Variants in ZBTB11 observed in about 807,000 individuals in gnomAD.
ZBTB11 encodes the protein zinc finger and BTB domain containing 11.
In ZBTB11, 68 loss-of-function variants were observed where a neutral mutation model predicts 113.1. That is an observed-to-expected ratio of 0.60 (90% CI 0.49 to 0.74). The LOEUF (loss-of-function observed/expected upper bound fraction) is 0.74, where lower values mean the gene tolerates loss of function less well. ZBTB11 is among the 30% of genes least tolerant of loss of function. The pLI, the probability that ZBTB11 is intolerant of heterozygous loss-of-function variation, is 0.00. For synonymous variants in ZBTB11, 518 were observed against 452.6 expected (o/e 1.14, Z -1.83); for missense variants, 1,104 against 1,279.4 (o/e 0.86, Z 2.09).
chr3:101,668,132 T>C (rs1937025379), intron 3 of ZBTB11, among the ~76,000 whole-genome samples: 1 of 107,392 alleles, frequency 9.3e-6, no homozygotes, highest in African/African-American at 2.9e-5. Flanking sequence ...CTCACTCATA[T>C]GGGGGAGCTA....
Position 101,656,251 on chromosome 3 carries a change from A to T in ZBTB11, c.2047-3T>A. 1 of 1,541,946 alleles carries T rather than the reference A, an allele frequency of 6.5e-7. No individual in the cohort carries two copies. Among genetic ancestry groups the T allele is most frequent in the South Asian group, 1.3e-5 (1 of 79,680 alleles). On this transcript the variant is annotated splice_polypyrimidine_tract_variant and splice_region_variant and intron_variant, in intron 6 of 10. Coordinates refer to ENST00000312938, the MANE Select transcript of ZBTB11 (RefSeq NM_014415.4). ...TAGATAAAAGTCTTTCCACAGACCT[A>T]AGATAGAACAGGGGTGATTAAGTCA...
chr3:101,657,158 A>C (rs1936813378), intron 6 of ZBTB11, among the ~76,000 whole-genome samples: 1 of 144,296 alleles, frequency 6.9e-6, no homozygotes, highest in African/African-American at 2.5e-5. Context: ...AAAAAAAAAC[A>C]AAAAACCCAT....
In ZBTB11 at chr3:101,664,629, T is replaced by G. The variant is rs773181700; in HGVS notation, c.1709A>C (p.Lys570Thr). 4.3e-6 allele frequency: 7 copies of G among 1,613,958 alleles called. No homozygotes were observed. In the East Asian group the frequency reaches 1.6e-4, roughly 36 times the overall value. Residue 570 changes from lysine (K) to threonine (T), a missense_variant, in exon 5 of 11, where the codon AAA (lysine) becomes ACA (threonine). Around this residue, in one of 5 missense-constraint regions of ZBTB11, gnomAD observed 535 missense variants for 518.6 expected, o/e 1.03. Transcript: ENST00000312938. ...AKENTEEASHKCGECGMVFQR... is the reference protein window; with the variant it reads ...AKENTEEASHTCGECGMVFQR... The stretch of plus-strand genomic sequence containing the variant: ...AAAAACCATTCCACATTCCCCACAT[T>G]TATGAGATGCTTCTTCTGTGTTCTC...
Position 101,649,761 on chromosome 3 carries a change from A to C in ZBTB11, c.*1405T>G, listed in dbSNP as rs1174779301. Reference sequence around the variant, plus strand: ...TATCACATTTATTCTTTATCCTTAAAGCCATTTTTAAAGTAAACTGGGAGA... The same window carrying C: ...TATCACATTTATTCTTTATCCTTAACGCCATTTTTAAAGTAAACTGGGAGA... On this transcript the variant is annotated 3_prime_UTR_variant, in exon 11 of 11. Transcript: ENST00000312938. 6.6e-6 allele frequency: 1 copy of C among 152,662 alleles called. No homozygotes were observed. The allele number at this position is 152,662 out of a possible 1,614,324, so 9.5% of individuals were successfully genotyped here.
In ZBTB11 at chr3:101,665,106, G is replaced by A. The variant is rs781332050; in HGVS notation, c.1481C>T (p.Thr494Ile). The A allele has an allele frequency of 6.2e-7, 1 of 1,614,084 alleles. No individual in the cohort carries two copies. Among genetic ancestry groups the A allele is most frequent in the South Asian group, 1.1e-5 (1 of 91,076 alleles). The change falls in exon 4 of 11, where the codon ACA (threonine) becomes ATA (isoleucine). Residue 494 changes from threonine (T) to isoleucine (I), a missense_variant. Coordinates refer to ENST00000312938, the MANE Select transcript of ZBTB11 (RefSeq NM_014415.4). ...AGTATCATCATCAGGGCCAAAGTCT[G>A]TCTTTGCTGTTGATGCAACTAGATT... Reference protein sequence around the residue: ...QENLVASTAKTDFGPDDDTYR... With the variant: ...QENLVASTAKIDFGPDDDTYR...
intron 1 of ZBTB11, among the ~76,000 whole-genome samples, chr3:101,674,170 G>C (rs1395536499): frequency 6.6e-6 from 1 of 151,492 alleles, no homozygotes; most frequent in East Asian, 2.0e-4. Flanking sequence ...ACAAAAATTA[G>C]CTAGGTGTGG....
chr3:101,652,474 A>G (rs1936721052), intron 10 of ZBTB11, 22 bp downstream of exon 10: 18 of 1,608,210 alleles, frequency 1.1e-5, no homozygotes, highest in Non-Finnish European at 1.5e-5. Context: ...ATAAGGATAC[A>G]TATAATATAA....
Position 101,650,364 on chromosome 3 carries a change from G to A in ZBTB11, c.*802C>T, listed in dbSNP as rs770645124. On this transcript the variant is annotated 3_prime_UTR_variant, in exon 11 of 11. Transcript: ENST00000312938. ...TTTTTTTTTCCATTAATTGTCCTAT[G>A]TTATCAAGGAGAATTTTCCTGTCAA... is the stretch of plus-strand genomic sequence containing the variant. 3.8e-4 allele frequency: 58 copies of A among 152,470 alleles called. No individual in the cohort carries two copies. The highest frequency in any genetic ancestry group is 6.3e-4 in the Non-Finnish European group (43 of 67,968). The allele number at this position is 152,470 out of a possible 1,614,324, so 9.4% of individuals were successfully genotyped here.
intron 5 of ZBTB11, among the ~76,000 whole-genome samples, chr3:101,664,202 T>C (rs1282845887): frequency 3.9e-5 from 6 of 152,244 alleles, no homozygotes; most frequent in Non-Finnish European, 7.3e-5. Flanking sequence ...AACCTGGAAG[T>C]GAACCCTTTC....
rs1936695328 is a variant in ZBTB11 at position 101,651,174 on chromosome 3, C to T, written c.3154G>A (p.Gly1052Arg). The change falls in exon 11 of 11, where the codon GGA becomes AGA. Residue 1052 changes from glycine to arginine, a missense_variant. Physicochemically the swap from Gly to Arg is moderately radical, Grantham distance 125 (BLOSUM62 -2). Coordinates refer to ENST00000312938, the MANE Select transcript of ZBTB11 (RefSeq NM_014415.4). ...VKVEVAHISG[G>R]E The stretch of plus-strand genomic sequence containing the variant: ...TATCTTCATTAACATACTCATTCTC[C>T]TCCTGAAATATGTGCTACCTCTACT... 2 of 1,580,502 alleles carry T rather than the reference C, an allele frequency of 1.3e-6. No homozygotes were observed. The highest frequency in any genetic ancestry group is 1.7e-6 in the Non-Finnish European group (2 of 1,164,960).
At chr3:101,674,428 T>TG in intron 1 of ZBTB11, among the ~76,000 whole-genome samples, 1 of 151,024 alleles carries the variant, frequency 6.6e-6, no homozygotes, top group East Asian at 2.0e-4. Context: ...GAGGTTGTAT[T>TG]GGCCGGGCGC....
rs1490145014 is a variant in ZBTB11, at chr3:101,650,259, A to C, written c.*907T>G. ...GTTTTTCAACCAAATTAAACAATTA[A>C]ACATGATACAAAAGCTGAAAACATA... On this transcript the variant is annotated 3_prime_UTR_variant, in exon 11 of 11. Transcript: ENST00000312938. 2 of 152,228 alleles carry C rather than the reference A, an allele frequency of 1.3e-5. No individual in the cohort carries two copies. The highest frequency in any genetic ancestry group is 1.9e-4 in the East Asian group (1 of 5,202). The allele number at this position is 152,228 out of a possible 1,614,324, so 9.4% of individuals were successfully genotyped here.
At chr3:101,676,367 G>A (rs1937172381) in intron 1 of ZBTB11, 6 of 403,328 alleles carry the variant, frequency 1.5e-5, no homozygotes, top group Non-Finnish European at 2.6e-5. Flanking sequence ...CCGGCCTCCG[G>A]GGAAGCCCCC....
Position 101,677,051 on chromosome 3 carries a change from T to A in ZBTB11, c.-137A>T. The A allele has an allele frequency of 1.0e-6, 1 of 955,004 alleles. No homozygotes were observed. Among genetic ancestry groups the A allele is most frequent in the Non-Finnish European group, 1.5e-6 (1 of 674,370 alleles). 59.2% of individuals were successfully genotyped at this position (955,004 alleles called of 1,614,324 possible). On this transcript the variant is annotated 5_prime_UTR_variant, in exon 1 of 11. Transcript: ENST00000312938. ...CCTTTGGCGAGCGCTCTTCGACGGC[T>A]CCCTTAGTCCGAAGGAAAAGCGGGC...
chr3:101,670,353 AAAT>A (rs967763564), intron 3 of ZBTB11, among the ~76,000 whole-genome samples: 3 of 152,238 alleles, frequency 2.0e-5, no homozygotes, highest in Non-Finnish European at 4.4e-5. Context: ...GAAAACGTAT[AAAT>A]AATGCTACCT....
intron 8 of ZBTB11, among the ~76,000 whole-genome samples, chr3:101,653,435 T>C (rs1936740646): frequency 6.6e-6 from 1 of 152,198 alleles, no homozygotes. Context: ...AATTTGGAAT[T>C]TGAGAGGATA....
intron 10 of ZBTB11, among the ~76,000 whole-genome samples, chr3:101,652,291 G>A (rs1480893679): frequency 6.6e-6 from 1 of 152,140 alleles, no homozygotes; most frequent in Non-Finnish European, 1.5e-5. Flanking sequence ...GCATAACAAT[G>A]TGGATACAGA....
intron 5 of ZBTB11, 61 bp from the exon 6 acceptor site, chr3:101,660,089 C>A: frequency 1.3e-6 from 2 of 1,528,122 alleles, no homozygotes; most frequent in East Asian, 2.3e-5. Context: ...AACTGAAACT[C>A]AACTCATATT....
intron 4 of ZBTB11, 112 bp downstream of exon 4, chr3:101,664,852 C>T: frequency 2.0e-6 from 3 of 1,489,974 alleles, no homozygotes; most frequent in Non-Finnish European, 1.8e-6. Context: ...TAAGTTGCTA[C>T]CTTGTACCCA....
Sources: allele counts gnomAD v4.1 joint callset (sites outside exome capture counted in the v4.1 genomes callset), GRCh38; gene constraint gnomAD v4.1.1; regional missense constraint gnomAD v4.1.1; transcripts MANE v1.5; gene names NCBI Gene and HGNC (gene_info 2026-07-23, HGNC 2026-07-21).